ENPP2: variants seen among roughly 807,000 people sequenced by gnomAD.
The protein encoded by ENPP2 is autotaxin.
ENPP2 carries 51 observed loss-of-function variants against 120.2 expected under a neutral mutation model. That is an observed-to-expected ratio of 0.42 (90% CI 0.34 to 0.54). ENPP2 has a LOEUF of 0.54. Among genes scored for constraint, ENPP2 ranks in the 20% least tolerant of loss-of-function variants. ENPP2 has a pLI of 0.04. For synonymous variants in ENPP2, 365 were observed against 366.4 expected (o/e 1.00, Z 0.04); for missense variants, 920 against 1,066.5 (o/e 0.86, Z 1.91).
intron 19 of ENPP2, chr8:119,572,203 T>G (rs1030498902): frequency 6.4e-7 from 1 of 1,555,066 alleles, no homozygotes; most frequent in Admixed American, 1.9e-5. Flanking sequence ...TTTCCATTAA[T>G]GTTTTCCTTG....
intron 11 of ENPP2, among the ~76,000 whole-genome samples, chr8:119,599,903 A>G (rs1814166786): frequency 6.6e-6 from 1 of 150,768 alleles, no homozygotes; most frequent in African/African-American, 2.4e-5. Context: ...GCTACTCGGG[A>G]GGCTGAGACA....
chr8:119,560,130 C>G (rs16892746), intron 24 of ENPP2, among the ~76,000 whole-genome samples: 4,834 of 152,298 alleles, frequency 0.032, 265 homozygotes, highest in African/African-American at 0.11. Flanking sequence ...ACTTGAACAT[C>G]TATTCCCCAG....
At position 119,601,461 on chromosome 8, in the gene ENPP2, C is replaced by A. The variant is rs1226515493; in HGVS notation, c.835G>T (p.Val279Phe). The change falls in exon 10 of 25, where the codon GTC becomes TTC. Residue 279 changes from valine to phenylalanine, a missense_variant and splice_region_variant. Val to Phe is a conservative substitution (Grantham distance 50, BLOSUM62 -1). Transcript: ENST00000075322. ...VKAGTFFWSV[V>F]IPHERRILTI... Reference sequence around the variant, plus strand: ...AATATTCTCCGCTCGTGAGGGATGACACTGGAGGGTAAAAGCAAGCAAAGC... The same window carrying A: ...AATATTCTCCGCTCGTGAGGGATGAAACTGGAGGGTAAAAGCAAGCAAAGC... 6.2e-7 allele frequency: 1 copy of A among 1,612,532 alleles called. No homozygotes were observed. Among genetic ancestry groups the A allele is most frequent in the South Asian group, 1.1e-5 (1 of 91,022 alleles).
chr8:119,671,655 A>G (rs940577140), intron 1 of ENPP2, among the ~76,000 whole-genome samples: 4 of 152,236 alleles, frequency 2.6e-5, no homozygotes, highest in Non-Finnish European at 4.4e-5. Flanking sequence ...AGACAGATCC[A>G]GGTCCTAACT....
At chr8:119,588,121 G>A (rs760967580) in intron 13 of ENPP2, among the ~76,000 whole-genome samples, 6 of 152,210 alleles carry the variant, frequency 3.9e-5, no homozygotes, top group East Asian at 1.9e-4. Flanking sequence ...CTTGAAATCC[G>A]AAACTAAAAT....
intron 1 of ENPP2, among the ~76,000 whole-genome samples, chr8:119,657,370 T>A (rs763460582): frequency 1.3e-5 from 2 of 152,224 alleles, no homozygotes; most frequent in Non-Finnish European, 2.9e-5. Context: ...CCATGCCTCC[T>A]CTATTGAGTT....
intron 24 of ENPP2, among the ~76,000 whole-genome samples, chr8:119,558,969 G>A (rs1442088486): frequency 6.6e-6 from 1 of 152,158 alleles, no homozygotes; most frequent in African/African-American, 2.4e-5. Flanking sequence ...TTGTGCCAGT[G>A]CTAAATATGT....
chr8:119,649,107 T>C (rs559066613), intron 1 of ENPP2, among the ~76,000 whole-genome samples: 2 of 151,966 alleles, frequency 1.3e-5, no homozygotes, highest in African/African-American at 4.8e-5. Flanking sequence ...GAAAATTGCA[T>C]TTATGGCCGG....
chr8:119,635,512 G>A (rs546268667), intron 2 of ENPP2, among the ~76,000 whole-genome samples: 1 of 152,208 alleles, frequency 6.6e-6, no homozygotes, highest in African/African-American at 2.4e-5. Flanking sequence ...GCACATGAGT[G>A]CACAGACACC....
At chr8:119,561,017 A>G (rs1813882957) in intron 24 of ENPP2, among the ~76,000 whole-genome samples, 1 of 152,226 alleles carries the variant, frequency 6.6e-6, no homozygotes, top group African/African-American at 2.4e-5. Context: ...TGCTCCTGCT[A>G]TGATATCTAC....
intron 3 of ENPP2, among the ~76,000 whole-genome samples, chr8:119,626,128 C>T (rs62528901): frequency 1.3e-5 from 2 of 152,140 alleles, no homozygotes; most frequent in African/African-American, 4.8e-5. Flanking sequence ...GAGGCTGAGG[C>T]GGGAAGATGG....
intron 2 of ENPP2, among the ~76,000 whole-genome samples, chr8:119,637,874 G>T (rs1322309124): frequency 6.6e-6 from 1 of 152,210 alleles, no homozygotes; most frequent in East Asian, 1.9e-4. Flanking sequence ...CCTTTCCTTT[G>T]CCATAAGGAC....
chr8:119,645,014 A>G (rs1817401414), intron 1 of ENPP2, among the ~76,000 whole-genome samples: 1 of 152,118 alleles, frequency 6.6e-6, no homozygotes, highest in East Asian at 1.9e-4. Context: ...TAGGAAAAAC[A>G]ACTGTTTTAC....
intron 9 of ENPP2, among the ~76,000 whole-genome samples, chr8:119,604,103 C>G (rs2130593267): frequency 1.3e-5 from 2 of 151,358 alleles, no homozygotes; most frequent in Admixed American, 1.3e-4. Flanking sequence ...TCTCGGCTCA[C>G]TGCAACCTCC....
Position 119,568,239 on chromosome 8 carries a change from TGAA to T in ENPP2, c.2064_2066del (p.Ser689del), listed in dbSNP as rs1814639753. The T allele has an allele frequency of 6.3e-7, 1 of 1,590,058 alleles. No homozygotes were observed. ...GGAATGCATCATATTTAGCCTCTGG[TGAA>T]GAGCTCAGATCTAAACATTAGGAAA... On this transcript the variant is annotated inframe_deletion, in exon 22 of 25. Coordinates refer to ENST00000075322, the MANE Select transcript of ENPP2 (RefSeq NM_001040092.3).
chr8:119,596,938 C>A (rs1813936688), intron 11 of ENPP2, among the ~76,000 whole-genome samples: 1 of 150,232 alleles, frequency 6.7e-6, no homozygotes, highest in African/African-American at 2.4e-5. Context: ...GCTGATGGTG[C>A]AAAGGTGAAT....
intron 5 of ENPP2, among the ~76,000 whole-genome samples, chr8:119,617,993 A>C (rs1815593996): frequency 6.6e-6 from 1 of 152,208 alleles, no homozygotes; most frequent in South Asian, 2.1e-4. Flanking sequence ...TATTCATTTA[A>C]CCATTTAACC....
At chr8:119,641,232 CAGG>C (rs1170501044), upstream of ENPP2, among the ~76,000 whole-genome samples, 1 of 151,500 alleles carries the variant, frequency 6.6e-6, no homozygotes, top group Admixed American at 6.6e-5. Flanking sequence ...AATTAACTGT[CAGG>C]AGAATGACCA....
At chr8:119,597,076 GGAAC>G (rs1813948433) in intron 11 of ENPP2, among the ~76,000 whole-genome samples, 1 of 152,048 alleles carries the variant, frequency 6.6e-6, no homozygotes, top group Admixed American at 6.5e-5. Context: ...TCCAAGAAGG[GGAAC>G]ATCTGCCATG....
Sources: gnomAD v4.1 joint callset for allele counts (sites outside exome capture counted in the v4.1 genomes callset) on GRCh38, gnomAD v4.1.1 for gene constraint, MANE v1.5 for transcripts, NCBI Gene and HGNC (gene_info 2026-07-23, HGNC 2026-07-21) for gene names.